PRKG1: variants seen among roughly 807,000 people sequenced by gnomAD.
PRKG1 encodes the protein protein kinase cGMP-dependent 1.
A neutral mutation model predicts 88.1 loss-of-function variants in PRKG1; 35 were observed. The ratio of observed to expected loss-of-function variants is 0.40; its 90% CI spans 0.30 to 0.53. The LOEUF (loss-of-function observed/expected upper bound fraction) is 0.53. Among genes scored for constraint, PRKG1 ranks in the 20% least tolerant of loss-of-function variants. The pLI, the probability that PRKG1 is intolerant of heterozygous loss-of-function variation, is 0.59. For missense variants in PRKG1, 540 were observed against 839.8 expected (o/e 0.64, Z 4.41); for synonymous variants, 303 against 292.5 (o/e 1.04, Z -0.37).
chr10:51,742,306 A>T (rs982030690), intron 3 of PRKG1, among the ~76,000 whole-genome samples: 1 of 152,230 alleles, frequency 6.6e-6, no homozygotes, highest in African/African-American at 2.4e-5. Flanking sequence ...ACCTGCTTCC[A>T]TGAAGACATT....
At chr10:51,211,810 T>C (rs941708936) in intron 2 of PRKG1, among the ~76,000 whole-genome samples, 3 of 152,012 alleles carry the variant, frequency 2.0e-5, no homozygotes, top group African/African-American at 4.8e-5. Context: ...TTCAATGAAA[T>C]AAAAGAGGAT....
intron 5 of PRKG1, among the ~76,000 whole-genome samples, chr10:52,047,334 G>A (rs1845885441): frequency 6.6e-6 from 1 of 152,026 alleles, no homozygotes; most frequent in African/African-American, 2.4e-5. Context: ...GTGAGAAATG[G>A]CCCATTTATG....
chr10:51,459,552 A>G (rs1244671842), intron 2 of PRKG1, among the ~76,000 whole-genome samples: 3 of 152,142 alleles, frequency 2.0e-5, no homozygotes, highest in Non-Finnish European at 2.9e-5. Flanking sequence ...CTCAACGTAT[A>G]TATTCTTTGT....
intron 2 of PRKG1, among the ~76,000 whole-genome samples, chr10:51,351,752 T>A (rs1842252721): frequency 6.6e-6 from 1 of 152,188 alleles, no homozygotes. Context: ...TTTAATTAGA[T>A]CCCAGTTTTC....
chr10:51,393,246 C>T (rs1409643240), intron 2 of PRKG1, among the ~76,000 whole-genome samples: 27 of 150,150 alleles, frequency 1.8e-4, no homozygotes, highest in African/African-American at 6.4e-4. Flanking sequence ...GAGATGCTCC[C>T]CACATCTCAG....
intron 4 of PRKG1, among the ~76,000 whole-genome samples, chr10:51,845,432 A>C (rs140724757): frequency 4.7e-4 from 72 of 152,262 alleles, no homozygotes; most frequent in Non-Finnish European, 8.7e-4. Flanking sequence ...AACACCACCA[A>C]CAACTGTCAA....
intron 2 of PRKG1, among the ~76,000 whole-genome samples, chr10:51,201,024 G>T (rs1278155837): frequency 1.3e-5 from 2 of 152,124 alleles, no homozygotes; most frequent in African/African-American, 2.4e-5. Context: ...GAATGAAAAG[G>T]ATCACTTTTC....
chr10:51,627,957 T>C (rs56074659), intron 3 of PRKG1, among the ~76,000 whole-genome samples: 625 of 24,946 alleles, frequency 0.025, 17 homozygotes, highest in South Asian at 0.1. Context: ...TTTCTTTCTT[T>C]CTTTCTTTCT....
chr10:51,254,558 A>G (rs1257909820), intron 2 of PRKG1, among the ~76,000 whole-genome samples: 1 of 152,010 alleles, frequency 6.6e-6, no homozygotes, highest in Non-Finnish European at 1.5e-5. Flanking sequence ...AACACCTTAC[A>G]TAGCAGCAAA....
chr10:51,218,633 A>G (rs917308054), intron 2 of PRKG1, among the ~76,000 whole-genome samples: 1 of 150,460 alleles, frequency 6.6e-6, no homozygotes, highest in Admixed American at 6.6e-5. Flanking sequence ...TTAAATGCAT[A>G]TTAAATATAA....
intron 5 of PRKG1, among the ~76,000 whole-genome samples, chr10:52,001,415 T>C (rs1029024901): frequency 2.0e-5 from 3 of 151,924 alleles, no homozygotes; most frequent in Admixed American, 6.6e-5. Context: ...AATTAGCTTG[T>C]GGTAATCATT....
intron 2 of PRKG1, among the ~76,000 whole-genome samples, chr10:51,453,890 C>T (rs1208259535): frequency 6.6e-6 from 1 of 151,966 alleles, no homozygotes; most frequent in East Asian, 1.9e-4. Context: ...TAAATGAATT[C>T]AGGAAAGTTT....
chr10:51,046,622 G>A (rs760353676), intron 1 of PRKG1, among the ~76,000 whole-genome samples: 8 of 152,124 alleles, frequency 5.3e-5, no homozygotes, highest in Non-Finnish European at 1.0e-4. Flanking sequence ...CTTAAACAGA[G>A]GCTTCTGCAA....
chr10:51,187,917 T>C (rs1253817972), intron 2 of PRKG1, among the ~76,000 whole-genome samples: 1 of 152,068 alleles, frequency 6.6e-6, no homozygotes, highest in African/African-American at 2.4e-5. Flanking sequence ...ATTTGACCTA[T>C]GAGACAAAAG....
intron 14 of PRKG1, among the ~76,000 whole-genome samples, chr10:52,283,150 T>C (rs888769322): frequency 1.3e-5 from 2 of 152,066 alleles, no homozygotes; most frequent in African/African-American, 4.8e-5. Context: ...GAGGGAATCA[T>C]TGAGATTTTC....
intron 10 of PRKG1, among the ~76,000 whole-genome samples, chr10:52,262,252 T>C (rs1841450108): frequency 6.6e-6 from 1 of 151,818 alleles, no homozygotes; most frequent in South Asian, 2.1e-4. Context: ...TTCTATAATA[T>C]GAAGCTGGTT....
intron 9 of PRKG1, among the ~76,000 whole-genome samples, chr10:52,163,700 TATAA>T (rs1198491555): frequency 2.0e-5 from 3 of 152,286 alleles, no homozygotes; most frequent in African/African-American, 7.2e-5. Context: ...CTATGGACTT[TATAA>T]AGATAACTGT....
chr10:52,126,441 C>G (rs1232743463), intron 7 of PRKG1, among the ~76,000 whole-genome samples: 4 of 151,984 alleles, frequency 2.6e-5, no homozygotes, highest in African/African-American at 9.7e-5. Context: ...TTAGTTATCT[C>G]CTGGTAGATG....
chr10:51,559,927 C>T (rs1379486112), intron 3 of PRKG1, among the ~76,000 whole-genome samples: 1 of 152,084 alleles, frequency 6.6e-6, no homozygotes, highest in African/African-American at 2.4e-5. Flanking sequence ...AAAGTATCCT[C>T]TCCCTGATCA....
Sources: allele counts gnomAD v4.1 joint callset (sites outside exome capture counted in the v4.1 genomes callset), GRCh38; gene constraint gnomAD v4.1.1; transcripts MANE v1.5; gene names NCBI Gene and HGNC (gene_info 2026-07-23, HGNC 2026-07-21).